ROBO2: variants seen among roughly 807,000 people sequenced by gnomAD.
ROBO2 encodes the protein roundabout guidance receptor 2.
A neutral mutation model predicts 160.8 loss-of-function variants in ROBO2; 53 were observed. The observed-to-expected ratio is 0.33, with a 90% CI of 0.26 to 0.41. The LOEUF (loss-of-function observed/expected upper bound fraction) is 0.41. Ranked by LOEUF, ROBO2 falls within the 10% of genes least tolerant of loss-of-function variation. The pLI is 1.00. For missense variants in ROBO2, 1,577 were observed against 1,722.4 expected (o/e 0.92, Z 1.49); for synonymous variants, 664 against 611.7 (o/e 1.09, Z -1.26).
intron 2 of ROBO2, among the ~76,000 whole-genome samples, chr3:77,306,355 C>G (rs1410320965): frequency 6.6e-6 from 1 of 152,006 alleles, no homozygotes; most frequent in Non-Finnish European, 1.5e-5. Flanking sequence ...ATAAAATATG[C>G]ATTCATATAC....
chr3:75,997,499 C>CTTTCTTTTTTTTTT (rs2065762102), intron 2 of ROBO2, among the ~76,000 whole-genome samples: 3 of 126,524 alleles, frequency 2.4e-5, no homozygotes, highest in African/African-American at 8.3e-5. Context: ...TTCATCCATT[C>CTTTCTTTTTTTTTT]TTTTTTTTTT....
chr3:76,208,715 T>C (rs1702957752), intron 2 of ROBO2, among the ~76,000 whole-genome samples: 1 of 152,140 alleles, frequency 6.6e-6, no homozygotes. Context: ...TACCATAAAT[T>C]CTGCCCTTAG....
intron 2 of ROBO2, among the ~76,000 whole-genome samples, chr3:77,335,608 C>T (rs144322727): frequency 9.2e-5 from 14 of 152,284 alleles, no homozygotes; most frequent in African/African-American, 2.4e-4. Flanking sequence ...TCATAATTGA[C>T]CTATCCCCTA....
intron 2 of ROBO2, among the ~76,000 whole-genome samples, chr3:76,971,772 G>A (rs1414025897): frequency 2.0e-5 from 3 of 152,146 alleles, no homozygotes; most frequent in African/African-American, 7.2e-5. Flanking sequence ...GCCATAACTA[G>A]GAGATGCTGG....
At chr3:75,929,359 A>T (rs1449207911) in intron 1 of ROBO2, among the ~76,000 whole-genome samples, 3 of 152,226 alleles carry the variant, frequency 2.0e-5, no homozygotes, top group Non-Finnish European at 2.9e-5. Context: ...TTAAATCTTA[A>T]TTTTTTGCAG....
chr3:76,675,734 G>A (rs2092391522), intron 2 of ROBO2, among the ~76,000 whole-genome samples: 1 of 152,058 alleles, frequency 6.6e-6, no homozygotes, highest in South Asian at 2.1e-4. Flanking sequence ...ATATAGCTTT[G>A]AGGAAAAAAG....
At chr3:76,986,380 G>A (rs1476304982) in intron 2 of ROBO2, among the ~76,000 whole-genome samples, 1 of 151,910 alleles carries the variant, frequency 6.6e-6, no homozygotes, top group Non-Finnish European at 1.5e-5. Flanking sequence ...CTAGAACATA[G>A]CTTTGTTTGG....
intron 2 of ROBO2, among the ~76,000 whole-genome samples, chr3:77,142,089 T>TTCTC (rs1010532344): frequency 9.3e-5 from 14 of 151,342 alleles, no homozygotes; most frequent in South Asian, 2.1e-4. Context: ...CTCTCTCTGT[T>TTCTC]TCTCTCTCTC....
intron 2 of ROBO2, among the ~76,000 whole-genome samples, chr3:76,429,795 G>C (rs947777310): frequency 6.6e-6 from 1 of 152,122 alleles, no homozygotes; most frequent in South Asian, 2.1e-4. Context: ...CCAGGGCTCT[G>C]GTCTTTTGCC....
chr3:76,433,273 T>C (rs1279030177), intron 2 of ROBO2, among the ~76,000 whole-genome samples: 2 of 152,194 alleles, frequency 1.3e-5, no homozygotes, highest in Non-Finnish European at 2.9e-5. Context: ...AATAAAACCT[T>C]AGAATAGCCA....
At chr3:76,335,152 CCACCA>C (rs1254028479) in intron 2 of ROBO2, among the ~76,000 whole-genome samples, 5 of 150,800 alleles carry the variant, frequency 3.3e-5, no homozygotes, top group African/African-American at 1.2e-4. Flanking sequence ...CAGGCATGAG[CCACCA>C]CATCCAAACT....
At chr3:76,409,953 T>C (rs2075402718) in intron 2 of ROBO2, among the ~76,000 whole-genome samples, 1 of 152,190 alleles carries the variant, frequency 6.6e-6, no homozygotes, top group African/African-American at 2.4e-5. Flanking sequence ...ATCCATTTTA[T>C]AATTGCTCAT....
intron 2 of ROBO2, among the ~76,000 whole-genome samples, chr3:76,778,632 G>A (rs2062432275): frequency 1.3e-5 from 2 of 151,078 alleles, no homozygotes; most frequent in South Asian, 4.2e-4. Flanking sequence ...ATTGATATTT[G>A]GGGATCTTTC....
chr3:75,956,703 G>A (rs1432333818), intron 2 of ROBO2, among the ~76,000 whole-genome samples: 1 of 151,668 alleles, frequency 6.6e-6, no homozygotes, highest in Non-Finnish European at 1.5e-5. Flanking sequence ...AATGTAAAGT[G>A]ACCAAAATGT....
chr3:77,475,639 G>A (rs900022189), intron 2 of ROBO2, among the ~76,000 whole-genome samples: 2 of 152,270 alleles, frequency 1.3e-5, no homozygotes, highest in South Asian at 4.1e-4. Flanking sequence ...TATTGTAGGG[G>A]TGCTCATCAC....
intron 2 of ROBO2, among the ~76,000 whole-genome samples, chr3:76,795,311 A>C (rs1332174342): frequency 6.6e-6 from 1 of 152,096 alleles, no homozygotes; most frequent in Admixed American, 6.6e-5. Context: ...CCTTTCACAG[A>C]ATAATTCTCT....
chr3:77,148,774 T>A (rs995190168), intron 2 of ROBO2, among the ~76,000 whole-genome samples: 1 of 152,198 alleles, frequency 6.6e-6, no homozygotes, highest in Admixed American at 6.5e-5. Flanking sequence ...AATATAGTTA[T>A]GGTTAACAAA....
chr3:77,645,474 G>C (rs2095403805), intron 25 of ROBO2, among the ~76,000 whole-genome samples: 1 of 152,130 alleles, frequency 6.6e-6, no homozygotes. Context: ...CTAGGTAATA[G>C]GGAAAATTAA....
chr3:76,708,014 A>G (rs1240930626), intron 2 of ROBO2, among the ~76,000 whole-genome samples: 1 of 152,134 alleles, frequency 6.6e-6, no homozygotes, highest in Non-Finnish European at 1.5e-5. Context: ...TTGGAAATGT[A>G]AACTGGAATT....
Sources: gnomAD v4.1 joint callset for allele counts (sites outside exome capture counted in the v4.1 genomes callset) on GRCh38, gnomAD v4.1.1 for gene constraint, MANE v1.5 for transcripts, NCBI Gene and HGNC (gene_info 2026-07-23, HGNC 2026-07-21) for gene names.